Variants in ARID1B observed in about 807,000 individuals in gnomAD.
The protein encoded by ARID1B is AT-rich interactive domain-containing protein 1B.
A neutral mutation model predicts 212.3 loss-of-function variants in ARID1B; 30 were observed. That is an observed-to-expected ratio of 0.14 (90% CI 0.11 to 0.19). The LOEUF (loss-of-function observed/expected upper bound fraction) is 0.19, where lower values mean the gene tolerates loss of function less well. Among genes scored for constraint, ARID1B ranks in the 10% least tolerant of loss-of-function variants. The pLI is 1.00. For synonymous variants in ARID1B, 1,402 were observed against 1,301.7 expected, an observed-to-expected ratio of 1.08 and a Z score of -1.66; for missense variants, 2,891 against 3,204.0, an observed-to-expected ratio of 0.90 and a Z score of 2.36.
At chr6:157,155,300 G>A (rs548487456) in intron 8 of ARID1B, among the ~76,000 whole-genome samples, 6 of 152,202 alleles carry the variant, frequency 3.9e-5, no homozygotes, top group African/African-American at 1.4e-4. Flanking sequence ...GTTAAAGTAC[G>A]AATTGTGAAT....
intron 4 of ARID1B, among the ~76,000 whole-genome samples, chr6:156,989,888 G>C (rs1193645286): frequency 6.6e-6 from 1 of 152,064 alleles, no homozygotes; most frequent in East Asian, 1.9e-4. Flanking sequence ...GAGAATGATA[G>C]GAAATAGTGA....
intron 2 of ARID1B, among the ~76,000 whole-genome samples, chr6:156,863,595 T>C (rs891526823): frequency 1.3e-5 from 2 of 152,172 alleles, no homozygotes; most frequent in African/African-American, 4.8e-5. Flanking sequence ...AAACAACATA[T>C]ATATCAAACT....
chr6:156,911,683 C>T (rs1450796603), intron 3 of ARID1B, among the ~76,000 whole-genome samples: 3 of 152,204 alleles, frequency 2.0e-5, no homozygotes, highest in Non-Finnish European at 4.4e-5. Context: ...CTGCCTATAA[C>T]ACATTTGTGT....
In ARID1B at chr6:157,002,034, A is replaced by G. The variant is rs547746829; in HGVS notation, c.2247+66458A>G. Among the ~76,000 whole-genome samples the G allele has an allele frequency of 4.9e-4, 74 of 152,366 alleles. 3 individuals are homozygous for G. The South Asian group carries it at 0.015, about 30-fold the overall frequency. Reference sequence around the variant, plus strand: ...TCTGCCTGTGACATTGGGTTGCTGTATATTAGCTGGGATAGTATATTTCAA... The same window carrying G: ...TCTGCCTGTGACATTGGGTTGCTGTGTATTAGCTGGGATAGTATATTTCAA... On this transcript the variant is annotated intron_variant, in intron 4 of 19. Coordinates refer to ENST00000636930, the MANE Select transcript of ARID1B (RefSeq NM_001374828.1).
At chr6:156,963,593 A>G (rs1473993776) in intron 4 of ARID1B, among the ~76,000 whole-genome samples, 2 of 152,168 alleles carry the variant, frequency 1.3e-5, no homozygotes. Context: ...TTTTTGTTAT[A>G]TTAATCTTTA....
intron 4 of ARID1B, among the ~76,000 whole-genome samples, chr6:156,998,040 G>A (rs866954137): frequency 6.6e-6 from 1 of 152,132 alleles, no homozygotes; most frequent in African/African-American, 2.4e-5. Context: ...CCTCGTCATC[G>A]TGACTACTCC....
chr6:157,039,648 T>A (rs1781615656), intron 4 of ARID1B, among the ~76,000 whole-genome samples: 16 of 41,016 alleles, frequency 3.9e-4, no homozygotes, highest in African/African-American at 1.4e-3. Flanking sequence ...CTTCCTTCTT[T>A]CCTTCCTTCC....
intron 5 of ARID1B, among the ~76,000 whole-genome samples, chr6:157,092,214 G>T (rs1353185018): frequency 1.3e-5 from 2 of 152,182 alleles, no homozygotes; most frequent in East Asian, 3.8e-4. Context: ...CCTTCCAAAT[G>T]CTGCTTAGCA....
intron 4 of ARID1B, 23 bp downstream of exon 4, chr6:156,935,599 T>G: frequency 3.2e-6 from 5 of 1,569,992 alleles, no homozygotes; most frequent in Non-Finnish European, 4.4e-6. Flanking sequence ...TGTGCTGATT[T>G]GGAAATGTAA....
intron 8 of ARID1B, chr6:157,166,746 C>T (rs1013489472): frequency 8.3e-6 from 2 of 241,560 alleles, no homozygotes; most frequent in Non-Finnish European, 1.6e-5. Context: ...TTCAAGTTCC[C>T]CCTTTCTTGC....
intron 1 of ARID1B, among the ~76,000 whole-genome samples, chr6:156,800,838 C>T (rs1217003704): frequency 2.0e-5 from 3 of 151,778 alleles, no homozygotes; most frequent in African/African-American, 2.4e-5. Context: ...CTCAGGAGTT[C>T]GAGGTTGTAG....
chr6:157,118,319 T>G (rs2128541973), intron 6 of ARID1B, among the ~76,000 whole-genome samples: 1 of 152,350 alleles, frequency 6.6e-6, no homozygotes, highest in South Asian at 2.1e-4. Context: ...ACAGTAGATC[T>G]GCAGATGCTG....
rs764521196 is a variant in ARID1B at position 157,201,193 on chromosome 6, A to G, written c.4968A>G (p.Thr1656=). The part of the protein sequence containing the change: ...MSSSASMQPI[T]RPPQPSYQTP... ...CCTCAGCCTCCATGCAGCCCATCAC[A>G]CGCCCACCACAGCCGTCCTACCAGA... Residue 1656 remains threonine, a synonymous_variant, in exon 18 of 20, where the codon ACA becomes ACG. Transcript: ENST00000636930. The surrounding 1 kb of genome is among the most constrained non-coding windows in gnomAD (Gnocchi z 5.2). 2 of 1,613,622 alleles carry G rather than the reference A, an allele frequency of 1.2e-6. No homozygotes were observed. Among genetic ancestry groups the G allele is most frequent in the African/African-American group, 2.7e-5 (2 of 74,864 alleles).
chr6:156,892,028 C>A (rs1224459866), intron 2 of ARID1B, among the ~76,000 whole-genome samples: 1 of 150,390 alleles, frequency 6.6e-6, no homozygotes, highest in Non-Finnish European at 1.5e-5. Flanking sequence ...TGCATCACCA[C>A]ACCCAGCGAA....
At chr6:156,982,917 G>T (rs1372467058) in intron 4 of ARID1B, among the ~76,000 whole-genome samples, 1 of 152,064 alleles carries the variant, frequency 6.6e-6, no homozygotes, top group Non-Finnish European at 1.5e-5. Flanking sequence ...GAGAATCTTT[G>T]TTCCTATTTA....
chr6:156,902,041 A>G (rs1788986133), intron 3 of ARID1B: 1 of 156,888 alleles, frequency 6.4e-6, no homozygotes, highest in South Asian at 1.9e-4. Flanking sequence ...GTATATTAAA[A>G]TACTAATTGG....
At chr6:156,796,483 A>C (rs539103849) in intron 1 of ARID1B, among the ~76,000 whole-genome samples, 146 of 149,748 alleles carry the variant, frequency 9.7e-4, no homozygotes, top group African/African-American at 3.5e-3. Flanking sequence ...TGTCATTATG[A>C]TGAAAGGTAT....
intron 1 of ARID1B, among the ~76,000 whole-genome samples, chr6:156,782,738 T>G (rs1378520158): frequency 6.6e-6 from 1 of 152,164 alleles, no homozygotes; most frequent in Non-Finnish European, 1.5e-5. Flanking sequence ...AACAAATTTT[T>G]GTGGCCTAAA....
At chr6:157,120,411 C>T (rs1478057463) in intron 6 of ARID1B, among the ~76,000 whole-genome samples, 3 of 152,102 alleles carry the variant, frequency 2.0e-5, no homozygotes, top group Non-Finnish European at 2.9e-5. Context: ...GAGAGGGAGT[C>T]GTTTTGCCAG....
Sources: gnomAD v4.1 joint callset for allele counts (sites outside exome capture counted in the v4.1 genomes callset) on GRCh38, gnomAD v4.1.1 for gene constraint, Gnocchi (gnomAD v3.1) non-coding constraint, MANE v1.5 for transcripts, NCBI Gene and HGNC (gene_info 2026-07-23, HGNC 2026-07-21) for gene names.